GOLM1: variants seen among roughly 807,000 people sequenced by gnomAD.
GOLM1 encodes epididymis luminal protein 46.
GOLM1 carries 31 observed loss-of-function variants against 50.5 expected under a neutral mutation model. The ratio of observed to expected loss-of-function variants is 0.61; its 90% CI spans 0.46 to 0.83. The LOEUF is 0.83. Among genes scored for constraint, GOLM1 ranks in the 40% least tolerant of loss-of-function variants. The pLI, the probability that GOLM1 is intolerant of heterozygous loss-of-function variation, is 0.00. For missense variants in GOLM1, 491 were observed against 501.3 expected, an observed-to-expected ratio of 0.98 and a Z score of 0.20; for synonymous variants, 178 against 192.8, an observed-to-expected ratio of 0.92 and a Z score of 0.64.
In GOLM1 at chr9:86,048,693, G is replaced by A. The variant is rs558088422; in HGVS notation, c.365-2121C>T. Among the ~76,000 whole-genome samples the A allele has an allele frequency of 1.6e-4, 24 of 152,188 alleles. 1 individual carries two copies. In the South Asian group the frequency reaches 4.8e-3, roughly 30 times the overall value. ...ATCTTCTTTTGAGACATGCTTGTTCGTATGCTTTGCCCACTTTTTGATGGG... is the reference window on the plus strand; with the variant it reads ...ATCTTCTTTTGAGACATGCTTGTTCATATGCTTTGCCCACTTTTTGATGGG... On this transcript the variant is annotated intron_variant, in intron 4 of 9. Coordinates refer to ENST00000388712, the MANE Select transcript of GOLM1 (RefSeq NM_016548.4).
Position 86,045,087 on chromosome 9 carries a change from G to A in GOLM1, c.467+1383C>T, listed in dbSNP as rs144396904. On this transcript the variant is annotated intron_variant, in intron 5 of 9. Transcript: ENST00000388712. The stretch of plus-strand genomic sequence containing the variant: ...TTTTACTTTTATAAATAAAATTTTT[G>A]TGGCTGGGTGCGGTGACTCATGCGT... Among the ~76,000 whole-genome samples the A allele has an allele frequency of 7.1e-3, 1,082 of 151,894 alleles. 15 individuals carry two copies. Among genetic ancestry groups the A allele is most frequent in the African/African-American group, 0.024 (1,012 of 41,392 alleles).
chr9:86,045,193 T>C (rs934159054), intron 5 of GOLM1, among the ~76,000 whole-genome samples: 4 of 148,078 alleles, frequency 2.7e-5, no homozygotes, highest in African/African-American at 1.0e-4. Context: ...ATGACAGGGT[T>C]TTAGTAGAAA....
At chr9:86,093,853 T>C (rs1480145662) in intron 1 of GOLM1, among the ~76,000 whole-genome samples, 2 of 152,130 alleles carry the variant, frequency 1.3e-5, no homozygotes, top group Admixed American at 6.5e-5. Context: ...GAAAAGCAAA[T>C]ATATAGGAGC....
At chr9:86,087,406 C>G (rs140348176) in intron 1 of GOLM1, among the ~76,000 whole-genome samples, 1 of 152,190 alleles carries the variant, frequency 6.6e-6, no homozygotes, top group Non-Finnish European at 1.5e-5. Context: ...GATCATATGA[C>G]TTCCTCTCTT....
intron 4 of GOLM1, 64 bp downstream of exon 4, chr9:86,052,473 G>T: frequency 2.9e-6 from 4 of 1,380,206 alleles, no homozygotes; most frequent in Non-Finnish European, 4.1e-6. Flanking sequence ...GCCTAGAGAA[G>T]GAGAGAAAGG....
At chr9:86,057,348 A>T (rs1315120654) in intron 3 of GOLM1, among the ~76,000 whole-genome samples, 2 of 152,278 alleles carry the variant, frequency 1.3e-5, no homozygotes, top group African/African-American at 4.8e-5. Flanking sequence ...GACTAATTTT[A>T]AAAATACTAA....
intron 1 of GOLM1, among the ~76,000 whole-genome samples, chr9:86,090,314 G>C (rs1444759259): frequency 6.6e-6 from 1 of 152,164 alleles, no homozygotes; most frequent in African/African-American, 2.4e-5. Context: ...CTGGCAGGCA[G>C]GAACATTTAA....
At chr9:86,046,182 T>C (rs563166689) in intron 5 of GOLM1, among the ~76,000 whole-genome samples, 10 of 152,342 alleles carry the variant, frequency 6.6e-5, no homozygotes, top group African/African-American at 2.4e-4. Flanking sequence ...CATGAGCACC[T>C]ATGAAACACA....
In GOLM1 at chr9:86,077,464, G is replaced by A. The variant is rs1209203021; in HGVS notation, c.257C>T (p.Ser86Phe). The change falls in exon 3 of 10, where the codon TCC becomes TTC. Residue 86 changes from serine (S) to phenylalanine (F), a missense_variant. Physicochemically the swap from Ser to Phe is radical, Grantham distance 155. Transcript: ENST00000388712. ...GCTCTCCAGCTGGAAGTTGTGGCTG[G>A]ACTGGATTTTGTCAAGCTGCTCCCG... ...KQREQLDKIQSSHNFQLESVN... is the reference protein window; with the variant it reads ...KQREQLDKIQFSHNFQLESVN... 1.2e-6 allele frequency: 2 copies of A among 1,614,034 alleles called. No homozygotes were observed. Among genetic ancestry groups the A allele is most frequent in the Non-Finnish European group, 1.7e-6 (2 of 1,179,980 alleles).
intron 4 of GOLM1, among the ~76,000 whole-genome samples, chr9:86,052,077 GTGGCTGCTTCAGAAGGACTCAA>G (rs1243514736): frequency 1.3e-5 from 2 of 152,130 alleles, no homozygotes; most frequent in Non-Finnish European, 2.9e-5. Flanking sequence ...TTCCTGCTCT[GTGGCTGCTTCAGAAGGACTCAA>G]AGGAAGACCA....
In GOLM1 at chr9:86,026,355, G is replaced by A. The variant is rs1832783078; in HGVS notation, c.*1462C>T. ...TTCTGGGTGGGAAAGTTTAACCTTA[G>A]TGACTAAGGACATCACATATGAAGA... On this transcript the variant is annotated 3_prime_UTR_variant, in exon 10 of 10. Coordinates refer to ENST00000388712, the MANE Select transcript of GOLM1 (RefSeq NM_016548.4). 1.0e-6 allele frequency: 1 copy of A among 985,128 alleles called. No individual in the cohort carries two copies. The highest frequency in any genetic ancestry group is 1.7e-5 in the African/African-American group (1 of 57,208). 61.0% of individuals were successfully genotyped at this position (985,128 alleles called of 1,614,324 possible). A position where few individuals can be genotyped will look rare whatever the true frequency, so the allele number is the denominator to read the frequency against.
At chr9:86,055,370 T>C (rs903511261) in intron 3 of GOLM1, among the ~76,000 whole-genome samples, 1 of 152,132 alleles carries the variant, frequency 6.6e-6, no homozygotes, top group Admixed American at 6.5e-5. Flanking sequence ...CCTGCTACTC[T>C]TGGAAACAGC....
At chr9:86,036,270 T>G in intron 7 of GOLM1, 78 bp downstream of exon 7, 5 of 1,470,586 alleles carry the variant, frequency 3.4e-6, no homozygotes, top group Non-Finnish European at 4.8e-6. Flanking sequence ...ACTGACTGCC[T>G]CAGCAGCTCG....
intron 1 of GOLM1, among the ~76,000 whole-genome samples, chr9:86,098,279 A>G (rs1363805509): frequency 1.7e-5 from 2 of 119,292 alleles, no homozygotes; most frequent in Non-Finnish European, 4.4e-5. Flanking sequence ...TTCATCTTTT[A>G]TAACACAACT....
At position 86,042,422 on chromosome 9, in the gene GOLM1, T is replaced by A. The variant is rs578145094; in HGVS notation, c.468-1554A>T. 8.2e-5 allele frequency among the ~76,000 whole-genome samples: 12 copies of A among 145,610 alleles called. No individual in the cohort carries two copies. In the South Asian group the frequency reaches 2.6e-3, roughly 31 times the overall value. Reference sequence around the variant, plus strand: ...CAGGCATTTCAGAGCCAAATGTGAGTGAGTACTACATCAACCTCTGACTCT... The same window carrying A: ...CAGGCATTTCAGAGCCAAATGTGAGAGAGTACTACATCAACCTCTGACTCT... On this transcript the variant is annotated intron_variant, in intron 5 of 9. Coordinates refer to ENST00000388712, the MANE Select transcript of GOLM1 (RefSeq NM_016548.4).
At chr9:86,032,449 G>C (rs902404817) in intron 9 of GOLM1, among the ~76,000 whole-genome samples, 1 of 151,954 alleles carries the variant, frequency 6.6e-6, no homozygotes, top group Non-Finnish European at 1.5e-5. Flanking sequence ...TTACAGGTGT[G>C]AGCCACCACA....
chr9:86,079,392 C>G, intron 1 of GOLM1, 51 bp from the exon 2 acceptor site: 3 of 1,385,518 alleles, frequency 2.2e-6, no homozygotes, highest in Non-Finnish European at 3.0e-6. Flanking sequence ...TTATCATCTC[C>G]GAAGCAGACC....
chr9:86,065,623 G>A (rs955960023), intron 3 of GOLM1, among the ~76,000 whole-genome samples: 2 of 152,280 alleles, frequency 1.3e-5, no homozygotes, highest in East Asian at 3.9e-4. Context: ...GCCCCCGGCA[G>A]CCCCACGCCG....
intron 9 of GOLM1, among the ~76,000 whole-genome samples, chr9:86,031,544 C>T (rs568084108): frequency 3.3e-5 from 5 of 149,442 alleles, no homozygotes; most frequent in African/African-American, 1.2e-4. Context: ...TCACTGCAAC[C>T]TCTGCCTCCC....
Sources: allele counts gnomAD v4.1 joint callset (sites outside exome capture counted in the v4.1 genomes callset), GRCh38; gene constraint gnomAD v4.1.1; transcripts MANE v1.5; gene names NCBI Gene and HGNC (gene_info 2026-07-23, HGNC 2026-07-21).